The following PPP4R1 variants were observed in gnomAD, a reference collection of about 807,000 sequenced individuals.
The protein encoded by PPP4R1 is serine/threonine-protein phosphatase 4 regulatory subunit 1.
A neutral mutation model predicts 111.2 loss-of-function variants in PPP4R1; 42 were observed. That is an observed-to-expected ratio of 0.38 (90% CI 0.29 to 0.49). The LOEUF (loss-of-function observed/expected upper bound fraction) is 0.49. Ranked by LOEUF, PPP4R1 falls within the 20% of genes least tolerant of loss-of-function variation. The pLI is 0.97. For missense variants in PPP4R1, 1,012 were observed against 1,161.6 expected, an observed-to-expected ratio of 0.87 and a Z score of 1.87; for synonymous variants, 409 against 405.5, an observed-to-expected ratio of 1.01 and a Z score of -0.10.
chr18:9,614,595 G>T, upstream of PPP4R1: 1 of 697,166 alleles, frequency 1.4e-6, no homozygotes, highest in Non-Finnish European at 1.8e-6. The surrounding 1 kb of genome is among the most constrained non-coding windows in gnomAD (Gnocchi z 4.1). Flanking sequence ...GAGGAGGAGG[G>T]CCGGGCTGGC....
intron 8 of PPP4R1, 127 bp from the exon 9 acceptor site, chr18:9,583,402 T>C: frequency 9.9e-7 from 1 of 1,005,062 alleles, no homozygotes; most frequent in South Asian, 2.6e-5. Flanking sequence ...AGTCTCACTC[T>C]TTTGCCCAGG....
At chr18:9,581,419 T>C (rs1292823339) in intron 9 of PPP4R1, among the ~76,000 whole-genome samples, 1 of 152,028 alleles carries the variant, frequency 6.6e-6, no homozygotes, top group Non-Finnish European at 1.5e-5. Flanking sequence ...AGCTGAAAAG[T>C]GCAATGACTA....
In PPP4R1 at chr18:9,549,998, G is replaced by A. The variant is rs970716015; in HGVS notation, c.2547+54C>T. 3.1e-6 allele frequency: 5 copies of A among 1,610,306 alleles called. No individual in the cohort carries two copies. In the African/African-American group the frequency reaches 6.7e-5, roughly 22 times the overall value. The stretch of plus-strand genomic sequence containing the variant: ...GAGAGAGAGGTAGGAAGTTAAAGAA[G>A]ACATTCTTCTAGGAGAAAAACTCAC... On this transcript the variant is annotated intron_variant, in intron 18 of 19. Coordinates refer to ENST00000400556, the MANE Select transcript of PPP4R1 (RefSeq NM_001042388.3).
intron 10 of PPP4R1, among the ~76,000 whole-genome samples, chr18:9,574,943 G>A (rs892918312): frequency 6.6e-6 from 1 of 152,194 alleles, no homozygotes; most frequent in Non-Finnish European, 1.5e-5. Context: ...CTTTTAAAAT[G>A]CAGATTTGAG....
In PPP4R1 at chr18:9,570,243, G is replaced by C. The variant is rs773821783; in HGVS notation, c.1487C>G (p.Ser496Cys). The C allele has an allele frequency of 5.6e-6, 9 of 1,598,088 alleles. No homozygotes were observed. Among genetic ancestry groups the C allele is most frequent in the Non-Finnish European group, 7.7e-6 (9 of 1,174,668 alleles). The change falls in exon 11 of 20, where the codon TCT (serine) becomes TGT (cysteine). Residue 496 changes from serine (S) to cysteine (C), a missense_variant. By Grantham distance (112) the Ser-to-Cys change is moderately radical. This residue lies in a region of PPP4R1 where 707 missense variants were observed against 742.1 expected (regional missense o/e 0.95). Coordinates refer to ENST00000400556, the MANE Select transcript of PPP4R1 (RefSeq NM_001042388.3). Reference sequence around the variant, plus strand: ...TCTGGTGGCCATGGTGATGTTTGGAGAACTGGGCACAGGGCCCTCAGATTC... The same window carrying C: ...TCTGGTGGCCATGGTGATGTTTGGACAACTGGGCACAGGGCCCTCAGATTC... ...EEESEGPVPS[S>C]PNITMATRKE...
chr18:9,555,922 A>ATG (rs2066568580), intron 15 of PPP4R1, among the ~76,000 whole-genome samples: 3 of 151,860 alleles, frequency 2.0e-5, no homozygotes, highest in Non-Finnish European at 4.4e-5. Context: ...GGATCACAAG[A>ATG]TCAGGAGATC....
intron 11 of PPP4R1, 25 bp downstream of exon 11, chr18:9,570,132 T>C (rs780049143): frequency 2.0e-6 from 3 of 1,482,360 alleles, no homozygotes; most frequent in African/African-American, 2.8e-5. Flanking sequence ...AATTTCAGAA[T>C]AAATAACTTG....
chr18:9,574,896 C>T (rs2066914412), intron 10 of PPP4R1, among the ~76,000 whole-genome samples: 1 of 152,178 alleles, frequency 6.6e-6, no homozygotes, highest in Non-Finnish European at 1.5e-5. Context: ...ATGGTGCATT[C>T]AGAGAACAAT....
intron 2 of PPP4R1, among the ~76,000 whole-genome samples, chr18:9,608,543 T>C (rs1034808359): frequency 6.6e-6 from 1 of 152,234 alleles, no homozygotes; most frequent in Non-Finnish European, 1.5e-5. Context: ...GCATTGATGA[T>C]GTCACCAGCT....
Position 9,614,557 on chromosome 18 carries a change from G to C in PPP4R1, c.-73C>G. The C allele has an allele frequency of 2.1e-6, 2 of 971,190 alleles. No individual in the cohort carries two copies. The highest frequency in any genetic ancestry group is 2.5e-6 in the Non-Finnish European group (2 of 815,718). The allele number at this position is 971,190 out of a possible 1,614,324, so 60.2% of individuals were successfully genotyped here. On this transcript the variant is annotated 5_prime_UTR_variant, in exon 1 of 20. Coordinates refer to ENST00000400556, the MANE Select transcript of PPP4R1 (RefSeq NM_001042388.3). This position sits in a 1 kb window ranked among gnomAD's most constrained non-coding sequence, Gnocchi z 4.1. ...ATGGAGCGGCGCGAGCCGGGGAGCC[G>C]GTGGACGCGCGCGGGAGGGGCGGCG...
At chr18:9,587,874 C>T (rs2067146526) in intron 6 of PPP4R1, among the ~76,000 whole-genome samples, 1 of 151,926 alleles carries the variant, frequency 6.6e-6, no homozygotes, top group Non-Finnish European at 1.5e-5. Flanking sequence ...CACCACCATG[C>T]CTGGCTAATT....
rs913740915 is a variant in PPP4R1 at position 9,550,493 on chromosome 18, T to A, written c.2292-95A>T. 20 of 1,364,604 alleles carry A rather than the reference T, an allele frequency of 1.5e-5. No homozygotes were observed. The African/African-American group carries it at 2.8e-4, about 19-fold the overall frequency. 84.5% of individuals were successfully genotyped at this position (1,364,604 alleles called of 1,614,324 possible). On this transcript the variant is annotated intron_variant, in intron 16 of 19. Transcript: ENST00000400556. ...TAAATCATCTGTAATACTGGATTACTGAGCACCTGTCTCAAACATACGCAA... is the reference window on the plus strand; with the variant it reads ...TAAATCATCTGTAATACTGGATTACAGAGCACCTGTCTCAAACATACGCAA...
chr18:9,558,651 T>A (rs1239449598), intron 14 of PPP4R1, among the ~76,000 whole-genome samples: 4 of 150,966 alleles, frequency 2.6e-5, no homozygotes, highest in Admixed American at 6.6e-5. Flanking sequence ...TACTAAGAAG[T>A]TTAAGGAAAA....
intron 11 of PPP4R1, chr18:9,563,889 A>G (rs190412487): frequency 1.2e-3 from 215 of 172,574 alleles, no homozygotes; most frequent in African/African-American, 4.8e-3. Flanking sequence ...TTGGTAGTGC[A>G]TGAATCAAAC....
intron 12 of PPP4R1, 88 bp downstream of exon 12, chr18:9,563,290 T>TAAAACC: frequency 7.1e-7 from 1 of 1,408,124 alleles, no homozygotes. Context: ...ACATACAAAC[T>TAAAACC]AAAAGTGATT....
chr18:9,565,327 CCT>C (rs1299149937), intron 11 of PPP4R1, among the ~76,000 whole-genome samples: 1 of 152,124 alleles, frequency 6.6e-6, no homozygotes, highest in East Asian at 1.9e-4. Flanking sequence ...CTCCCTATTC[CCT>C]GAGACTCAAC....
chr18:9,585,789 T>C (rs1052381614), intron 6 of PPP4R1, among the ~76,000 whole-genome samples: 1 of 152,162 alleles, frequency 6.6e-6, no homozygotes, highest in African/African-American at 2.4e-5. Context: ...CTCACAGAAG[T>C]ACTTTTAAAA....
chr18:9,553,442 A>C lies in PPP4R1; in HGVS notation c.2191-20T>G. ...AAGAAGCTAAAGTAACAAAATAAAA[A>C]TATTTACCAGGACAAGGTACAGACA... On this transcript the variant is annotated intron_variant, in intron 15 of 19. Coordinates refer to ENST00000400556, the MANE Select transcript of PPP4R1 (RefSeq NM_001042388.3). 1 of 1,479,382 alleles carries C rather than the reference A, an allele frequency of 6.8e-7. No homozygotes were observed. The highest frequency in any genetic ancestry group is 9.4e-7 in the Non-Finnish European group (1 of 1,064,664). The allele number at this position is 1,479,382 out of a possible 1,614,324, so 91.6% of individuals were successfully genotyped here.
intron 6 of PPP4R1, among the ~76,000 whole-genome samples, chr18:9,587,709 C>T (rs966670467): frequency 6.8e-6 from 1 of 147,466 alleles, no homozygotes; most frequent in Non-Finnish European, 1.5e-5. Flanking sequence ...CCCAGCCCAG[C>T]CTAATTTTTT....
Sources: gnomAD v4.1 joint callset for allele counts (sites outside exome capture counted in the v4.1 genomes callset) on GRCh38, gnomAD v4.1.1 for gene constraint, gnomAD v4.1.1 regional missense constraint, Gnocchi (gnomAD v3.1) non-coding constraint, MANE v1.5 for transcripts, NCBI Gene and HGNC (gene_info 2026-07-23, HGNC 2026-07-21) for gene names.